L3HYPDH: variants seen among roughly 807,000 people sequenced by gnomAD.
L3HYPDH encodes the protein trans-L-3-hydroxyproline dehydratase, also known as trans-3-hydroxy-L-proline dehydratase.
L3HYPDH carries 32 observed loss-of-function variants against 26.5 expected under a neutral mutation model. That is an observed-to-expected ratio of 1.21 (90% confidence interval 0.91 to 1.62). The LOEUF (loss-of-function observed/expected upper bound fraction) is 1.62, where lower values mean the gene tolerates loss of function less well. L3HYPDH is among the 40% of genes most tolerant of loss of function. The pLI, the probability that L3HYPDH is intolerant of heterozygous loss-of-function variation, is 0.00. For synonymous variants in L3HYPDH, 215 were observed against 196.6 expected (o/e 1.09, Z -0.78); for missense variants, 554 against 476.4 (o/e 1.16, Z -1.52).
At chr14:59,486,821 T>C (rs755120594), upstream of L3HYPDH, 2 of 1,420,850 alleles carry the variant, frequency 1.4e-6, no homozygotes, top group Non-Finnish European at 9.7e-7. Flanking sequence ...CTTATGTTTG[T>C]ATCTTATTTC....
upstream of L3HYPDH, chr14:59,484,870 A>G: frequency 8.2e-7 from 1 of 1,216,494 alleles, no homozygotes; most frequent in Non-Finnish European, 1.1e-6. Flanking sequence ...TTTAATGTCG[A>G]GGGAACACTT....
chr14:59,495,223 C>T, the L3HYPDH span: 1 of 1,593,672 alleles, frequency 6.3e-7, no homozygotes, highest in South Asian at 1.1e-5. Flanking sequence ...CGTCTACCCA[C>T]TGTAAGTGTT....
At chr14:59,478,481 G>A (rs1214485590) in intron 2 of L3HYPDH, among the ~76,000 whole-genome samples, 1 of 152,166 alleles carries the variant, frequency 6.6e-6, no homozygotes, top group Non-Finnish European at 1.5e-5. Context: ...TTACTCTGGA[G>A]GCTGAGGCAG....
At chr14:59,486,850 G>A (rs1178810699), upstream of L3HYPDH, 1 of 1,253,758 alleles carries the variant, frequency 8.0e-7, no homozygotes. Flanking sequence ...AAATCTATTT[G>A]CTTTTGAAAT....
the L3HYPDH span, among the ~76,000 whole-genome samples, chr14:59,490,219 G>A: frequency 6.6e-6 from 1 of 152,160 alleles, no homozygotes; most frequent in African/African-American, 2.4e-5. Context: ...ACCATGCCCA[G>A]CCACCAGGAT....
At position 59,479,365 on chromosome 14, in the gene L3HYPDH, G is replaced by T; in HGVS notation, c.509-14C>A. ...CCACCATGAGATCTAAAAAAAAGAT[G>T]TGTTTGGAAAGAAGATGTGTTTGTT... On this transcript the variant is annotated splice_polypyrimidine_tract_variant and intron_variant, in intron 1 of 4. Transcript: ENST00000247194. The T allele has an allele frequency of 6.2e-7, 1 of 1,605,792 alleles. No homozygotes were observed. Among genetic ancestry groups the T allele is most frequent in the Non-Finnish European group, 8.5e-7 (1 of 1,177,272 alleles).
chr14:59,486,220 CTG>C (rs1351761098), upstream of L3HYPDH, among the ~76,000 whole-genome samples: 1 of 152,146 alleles, frequency 6.6e-6, no homozygotes, highest in Admixed American at 6.5e-5. Context: ...TTGCATACCT[CTG>C]TTATGAAATT....
At chr14:59,492,828 T>C in the L3HYPDH span, among the ~76,000 whole-genome samples, 3 of 149,406 alleles carry the variant, frequency 2.0e-5, no homozygotes, top group Non-Finnish European at 4.4e-5. Context: ...AGACGAGTCT[T>C]GCTCTGTTGC....
chr14:59,489,515 C>T, the L3HYPDH span, among the ~76,000 whole-genome samples: 3 of 152,238 alleles, frequency 2.0e-5, no homozygotes, highest in Non-Finnish European at 2.9e-5. Flanking sequence ...ACTTAAGGCT[C>T]TAAGATGTTC....
the L3HYPDH span, among the ~76,000 whole-genome samples, chr14:59,495,997 G>C: frequency 1.1e-3 from 170 of 152,294 alleles, no homozygotes; most frequent in African/African-American, 3.9e-3. Context: ...TCTGCCTTCT[G>C]GGTTCAAGTG....
At chr14:59,483,685 TATTA>T (rs2139838531) in intron 1 of L3HYPDH, 120 bp downstream of exon 1, 1 of 1,464,822 alleles carries the variant, frequency 6.8e-7, no homozygotes, top group East Asian at 2.5e-5. Context: ...TTTACCTTTC[TATTA>T]ATTGCAAGGT....
chr14:59,483,666 T>C lies in L3HYPDH; in HGVS notation c.508+143A>G, dbSNP rs1164039401. The C allele has an allele frequency of 2.8e-6, 4 of 1,451,410 alleles. No individual in the cohort carries two copies. The South Asian group carries it at 4.3e-5, about 16-fold the overall frequency. 89.9% of individuals were successfully genotyped at this position (1,451,410 alleles called of 1,614,324 possible). A position where few individuals can be genotyped will look rare whatever the true frequency, so the allele number is the denominator to read the frequency against. On this transcript the variant is annotated intron_variant, in intron 1 of 4. Coordinates refer to ENST00000247194, the MANE Select transcript of L3HYPDH (RefSeq NM_144581.2). ...AATACGCAAGGCTGCTGACACACGT[T>C]GGCAGTGATTTACCTTTCTATTAAT...
the L3HYPDH span, among the ~76,000 whole-genome samples, chr14:59,502,200 T>A: frequency 6.6e-6 from 1 of 152,234 alleles, no homozygotes; most frequent in Non-Finnish European, 1.5e-5. Context: ...GTAACTGTTA[T>A]ACATATTACA....
At chr14:59,482,453 G>C (rs1203819299) in intron 1 of L3HYPDH, among the ~76,000 whole-genome samples, 1 of 152,202 alleles carries the variant, frequency 6.6e-6, no homozygotes, top group Non-Finnish European at 1.5e-5. Context: ...GATGTAGTTT[G>C]TGTTCCTGCT....
At chr14:59,479,501 G>A in intron 1 of L3HYPDH, 150 bp from the exon 2 acceptor site, 1 of 722,456 alleles carries the variant, frequency 1.4e-6, no homozygotes, top group East Asian at 2.7e-5. Context: ...TTTTTTAAAT[G>A]AATAAGCATC....
At chr14:59,499,553 T>G in the L3HYPDH span, among the ~76,000 whole-genome samples, 1 of 152,180 alleles carries the variant, frequency 6.6e-6, no homozygotes, top group Admixed American at 6.5e-5. Context: ...TAAGACAAAT[T>G]CACTGTTAAA....
At chr14:59,484,427 G>T, upstream of L3HYPDH, 2 of 1,372,598 alleles carry the variant, frequency 1.5e-6, no homozygotes, top group Non-Finnish European at 2.0e-6. Context: ...ACGTCCGGGG[G>T]GCGGGGTCTC....
intron 1 of L3HYPDH, among the ~76,000 whole-genome samples, chr14:59,466,137 G>T (rs1056991692): frequency 7.2e-5 from 11 of 152,194 alleles, no homozygotes; most frequent in Admixed American, 1.3e-4. Flanking sequence ...CAAGGGCCTG[G>T]ACCTCAGGCC....
At chr14:59,503,817 T>C in the L3HYPDH span, 1 of 1,296,140 alleles carries the variant, frequency 7.7e-7, no homozygotes, top group Non-Finnish European at 1.1e-6. Context: ...CCTGATAATC[T>C]GTATTTCTCT....
Sources: allele counts gnomAD v4.1 joint callset (sites outside exome capture counted in the v4.1 genomes callset), GRCh38; gene constraint gnomAD v4.1.1; transcripts MANE v1.5; gene names NCBI Gene and HGNC (gene_info 2026-07-23, HGNC 2026-07-21).